The following FYB1 variants were observed in gnomAD, a reference collection of about 807,000 sequenced individuals.
FYB1 encodes the protein FYN-binding protein 1.
In FYB1, 41 loss-of-function variants were observed where a neutral mutation model predicts 94.1. That is an observed-to-expected ratio of 0.44 (90% CI 0.34 to 0.57). The LOEUF is 0.57. Among genes scored for constraint, FYB1 ranks in the 20% least tolerant of loss-of-function variants. The pLI, the probability that FYB1 is intolerant of heterozygous loss-of-function variation, is 0.02. For synonymous variants in FYB1, 367 were observed against 353.2 expected (o/e 1.04, Z -0.44); for missense variants, 1,050 against 976.8 (o/e 1.07, Z -1.00).
intron 1 of FYB1, among the ~76,000 whole-genome samples, chr5:39,218,689 C>T (rs1232095536): frequency 6.6e-6 from 1 of 152,162 alleles, no homozygotes; most frequent in African/African-American, 2.4e-5. Flanking sequence ...CTCCCAAAGT[C>T]ACACAGCTAA....
At chr5:39,266,341 A>G (rs1181986940) in intron 1 of FYB1, among the ~76,000 whole-genome samples, 1 of 152,178 alleles carries the variant, frequency 6.6e-6, no homozygotes, top group Non-Finnish European at 1.5e-5. Flanking sequence ...TAGGGTCAAG[A>G]TTCCACAGGG....
At chr5:39,241,883 A>G (rs556036479) in intron 1 of FYB1, among the ~76,000 whole-genome samples, 2 of 151,352 alleles carry the variant, frequency 1.3e-5, no homozygotes, top group South Asian at 4.2e-4. Flanking sequence ...TGTTCATAGA[A>G]TTTGTTATTT....
intron 2 of FYB1, among the ~76,000 whole-genome samples, chr5:39,188,245 A>G (rs1408304316): frequency 6.6e-6 from 1 of 152,086 alleles, no homozygotes; most frequent in Non-Finnish European, 1.5e-5. Context: ...GCCATGGAAT[A>G]TGTTAGATAT....
Position 39,246,299 on chromosome 5 carries a change from T to G in FYB1, c.-28+28104A>C, listed in dbSNP as rs545823625. Among the ~76,000 whole-genome samples the G allele has an allele frequency of 1.0e-3, 152 of 152,290 alleles. 1 individual carries two copies. The highest frequency in any genetic ancestry group is 3.5e-3 in the South Asian group (17 of 4,830). ...ACTAACCCATAAAATTGTAGATGTT[T>G]AAAGCTCAAGTGTAAGATCTATGTT... On this transcript the variant is annotated intron_variant, in intron 1 of 1. Coordinates refer to the FYB1 transcript ENST00000510188.
At chr5:39,231,462 G>A (rs1349888838) in intron 1 of FYB1, among the ~76,000 whole-genome samples, 4 of 152,018 alleles carry the variant, frequency 2.6e-5, no homozygotes, top group African/African-American at 9.7e-5. Flanking sequence ...AGAAACCCAA[G>A]GCTATTTGGA....
At chr5:39,138,315 G>A (rs560392272) in intron 6 of FYB1, 6 of 194,406 alleles carry the variant, frequency 3.1e-5, no homozygotes, top group Admixed American at 2.3e-4. Context: ...CGTGGGTGGA[G>A]CTCTGTTCAG....
At chr5:39,263,040 T>A (rs1561317115) in intron 1 of FYB1, among the ~76,000 whole-genome samples, 3 of 152,204 alleles carry the variant, frequency 2.0e-5, no homozygotes, top group South Asian at 2.1e-4. Flanking sequence ...AACAGTAATA[T>A]GCATTAATTG....
chr5:39,254,984 G>T (rs186637622), intron 1 of FYB1, among the ~76,000 whole-genome samples: 1 of 152,304 alleles, frequency 6.6e-6, no homozygotes, highest in East Asian at 1.9e-4. Context: ...TATACTTTGT[G>T]TAGGGATATG....
intron 1 of FYB1, among the ~76,000 whole-genome samples, chr5:39,256,431 C>T (rs1378095175): frequency 2.0e-5 from 3 of 152,232 alleles, no homozygotes; most frequent in Non-Finnish European, 2.9e-5. Flanking sequence ...TAGAATATTA[C>T]GTACGGGTTT....
At position 39,215,234 on chromosome 5, in the gene FYB1, G is replaced by A. The variant is rs112203714; in HGVS notation, c.-28+4209C>T. 8.8e-4 allele frequency among the ~76,000 whole-genome samples: 134 copies of A among 151,902 alleles called. 2 individuals carry two copies. Among genetic ancestry groups the A allele is most frequent in the African/African-American group, 3.0e-3 (126 of 41,352 alleles). On this transcript the variant is annotated intron_variant, in intron 1 of 18. Transcript: ENST00000512982. ...AAAATTCAATAAGAATGTTAAAAAA[G>A]GTGTTTGAAGAATTATAAATTTAAA...
At chr5:39,226,873 T>A (rs2150563848) in intron 1 of FYB1, among the ~76,000 whole-genome samples, 1 of 152,340 alleles carries the variant, frequency 6.6e-6, no homozygotes. Flanking sequence ...CATCAGGTGC[T>A]TAGGCCCTCA....
chr5:39,131,528 T>C lies in FYB1; in HGVS notation c.1818-916A>G, dbSNP rs142821400. On this transcript the variant is annotated intron_variant, in intron 9 of 18. Coordinates refer to ENST00000512982, the MANE Select transcript of FYB1 (RefSeq NM_001465.6). ...TAAAAGTGGGTGAAAGAAATTGATC[T>C]GATGCAGATCTCCTGTTAAATTTGA... 1.9e-3 allele frequency among the ~76,000 whole-genome samples: 290 copies of C among 152,362 alleles called. 1 individual carries two copies. The highest frequency in any genetic ancestry group is 6.7e-3 in the African/African-American group (280 of 41,596).
intron 3 of FYB1, among the ~76,000 whole-genome samples, chr5:39,151,000 A>G (rs1430967300): frequency 2.6e-5 from 4 of 151,782 alleles, no homozygotes; most frequent in Non-Finnish European, 4.4e-5. Context: ...AAGGCCCTAC[A>G]TAAGCTGACT....
intron 9 of FYB1, 139 bp from the exon 10 acceptor site, chr5:39,130,751 G>A: frequency 1.6e-6 from 1 of 642,424 alleles, no homozygotes; most frequent in East Asian, 2.8e-5. Context: ...ATGTAAAGAG[G>A]AAAAAATGTT....
At chr5:39,169,921 G>A in intron 2 of FYB1, 2 of 629,046 alleles carry the variant, frequency 3.2e-6, no homozygotes, top group South Asian at 2.9e-5. Flanking sequence ...CACCCTCCCA[G>A]TAGGCTCCTT....
intron 2 of FYB1, among the ~76,000 whole-genome samples, chr5:39,155,177 CA>C (rs1021637880): frequency 6.6e-6 from 1 of 152,208 alleles, no homozygotes; most frequent in African/African-American, 2.4e-5. Flanking sequence ...GCATGTGACA[CA>C]AACACATTCC....
At chr5:39,191,137 G>A (rs948108439) in intron 2 of FYB1, among the ~76,000 whole-genome samples, 1 of 152,206 alleles carries the variant, frequency 6.6e-6, no homozygotes, top group Non-Finnish European at 1.5e-5. Context: ...AGATTTATCT[G>A]CTTTGCCATT....
intron 2 of FYB1, among the ~76,000 whole-genome samples, chr5:39,157,660 A>G (rs756013570): frequency 6.6e-6 from 1 of 152,344 alleles, no homozygotes; most frequent in South Asian, 2.1e-4. Flanking sequence ...GGGATGTGCA[A>G]TTTGAGAGCT....
chr5:39,241,991 C>T (rs1751230955), intron 1 of FYB1, among the ~76,000 whole-genome samples: 1 of 152,106 alleles, frequency 6.6e-6, no homozygotes. Flanking sequence ...ATATTCCCTC[C>T]AAATTTTTCA....
Sources: gnomAD v4.1 joint callset for allele counts (sites outside exome capture counted in the v4.1 genomes callset) on GRCh38, gnomAD v4.1.1 for gene constraint, MANE v1.5 for transcripts, NCBI Gene and HGNC (gene_info 2026-07-23, HGNC 2026-07-21) for gene names.